Variants in SH3BP2 observed in about 807,000 individuals in gnomAD.
SH3BP2 encodes the protein SH3 domain-binding protein 2.
Under a neutral mutation model 56.2 loss-of-function variants are expected in SH3BP2, and 38 were observed. The ratio of observed to expected loss-of-function variants is 0.68; its 90% CI spans 0.52 to 0.89. SH3BP2 has a LOEUF of 0.89. Ranked by LOEUF, SH3BP2 falls within the 40% of genes least tolerant of loss-of-function variation. SH3BP2 has a pLI of 0.00. For missense variants in SH3BP2, 748 were observed against 762.6 expected (o/e 0.98, Z 0.23); for synonymous variants, 346 against 316.7 (o/e 1.09, Z -0.98).
In SH3BP2 at chr4:2,831,781, G is replaced by A; in HGVS notation, c.1350+102G>A. 5 of 1,345,870 alleles carry A rather than the reference G, an allele frequency of 3.7e-6. No individual in the cohort carries two copies. Among genetic ancestry groups the A allele is most frequent in the Admixed American group, 2.0e-5 (1 of 51,234 alleles). The allele number at this position is 1,345,870 out of a possible 1,614,324, so 83.4% of individuals were successfully genotyped here. ...CCCCTCACAGACCGTCCTGAGCAAG[G>A]ACCCCCCGAGAACCCGGGAGCCTAG... On this transcript the variant is annotated intron_variant, in intron 9 of 12. Coordinates refer to ENST00000503393, the MANE Select transcript of SH3BP2 (RefSeq NM_001122681.2). This position sits in a 1 kb window ranked among gnomAD's most constrained non-coding sequence, Gnocchi z 4.1.
intron 1 of SH3BP2, chr4:2,818,838 C>T (rs916939472): frequency 1.0e-6 from 1 of 986,124 alleles, no homozygotes; most frequent in African/African-American, 1.7e-5. Flanking sequence ...AGGCCGAGGC[C>T]GGCAGAAGAC....
chr4:2,809,718 C>G (rs1449215363), intron 1 of SH3BP2: 1 of 896,868 alleles, frequency 1.1e-6, no homozygotes, highest in Non-Finnish European at 1.3e-6. Flanking sequence ...GTTTGCCTTA[C>G]TCCTGAGCGG....
intron 1 of SH3BP2, chr4:2,796,317 G>T (rs1205229175): frequency 9.9e-6 from 7 of 707,612 alleles, no homozygotes; most frequent in South Asian, 6.3e-5. Context: ...TCGAGGTGGT[G>T]CAGGCTCCCA....
At chr4:2,824,525 T>C in intron 3 of SH3BP2, 88 bp from the exon 4 acceptor site, 1 of 961,610 alleles carries the variant, frequency 1.0e-6, no homozygotes, top group Non-Finnish European at 1.7e-6. Flanking sequence ...GTGGTGCTGG[T>C]GCCGAGACGT....
chr4:2,802,769 A>G (rs1388944009), intron 1 of SH3BP2, among the ~76,000 whole-genome samples: 1 of 151,194 alleles, frequency 6.6e-6, no homozygotes, highest in Non-Finnish European at 1.5e-5. Context: ...TTAAGGCAGC[A>G]GAAAGACCTA....
At position 2,829,066 on chromosome 4, in the gene SH3BP2, C is replaced by T. The variant is rs1231864396; in HGVS notation, c.587-427C>T. 6.6e-6 allele frequency among the ~76,000 whole-genome samples: 1 copy of T among 152,202 alleles called. No individual in the cohort carries two copies. The highest frequency in any genetic ancestry group is 2.4e-5 in the African/African-American group (1 of 41,452). ...CCCCGCATCCCCTGGCATCTCCCAG[C>T]TTTCTGGATATGTTCTGAGCAAACA... On this transcript the variant is annotated intron_variant, in intron 7 of 12. Coordinates refer to ENST00000503393, the MANE Select transcript of SH3BP2 (RefSeq NM_001122681.2). The surrounding 1 kb of genome is among the most constrained non-coding windows in gnomAD (Gnocchi z 4.9).
At chr4:2,827,037 G>A (rs536659781) in intron 5 of SH3BP2, 193 bp from the exon 6 acceptor site, 4 of 690,146 alleles carry the variant, frequency 5.8e-6, no homozygotes, top group Admixed American at 2.0e-5. Context: ...GTGTGTGTCT[G>A]TCAGCGTATC....
chr4:2,812,673 C>CT (rs1723804541), intron 1 of SH3BP2, among the ~76,000 whole-genome samples: 1 of 152,180 alleles, frequency 6.6e-6, no homozygotes, highest in African/African-American at 2.4e-5. Context: ...GAGAGGCCCC[C>CT]GAGCTGGCAG....
rs189100310 is a variant in SH3BP2 at position 2,828,745 on chromosome 4, C to G, written c.587-748C>G. 1.3e-5 allele frequency among the ~76,000 whole-genome samples: 2 copies of G among 152,210 alleles called. 1 individual carries two copies. The highest frequency in any genetic ancestry group is 4.1e-4 in the South Asian group (2 of 4,830). The stretch of plus-strand genomic sequence containing the variant: ...CCCTCTGTACCCCCTTCATCCTCTC[C>G]CCGAGACATTTCTCGTCCAGGACGC... On this transcript the variant is annotated intron_variant, in intron 7 of 12. Transcript: ENST00000503393.
chr4:2,815,328 C>T (rs1006979453), intron 1 of SH3BP2, among the ~76,000 whole-genome samples: 2 of 152,202 alleles, frequency 1.3e-5, no homozygotes, highest in African/African-American at 2.4e-5. Context: ...TGGGTGTCAG[C>T]GTCTGTCCCT....
chr4:2,832,651 C>T (rs896342956), intron 11 of SH3BP2, among the ~76,000 whole-genome samples: 2 of 152,216 alleles, frequency 1.3e-5, no homozygotes, highest in East Asian at 3.8e-4. Flanking sequence ...TGGGGTAGGG[C>T]TCATGCTCTG....
intron 11 of SH3BP2, 63 bp from the exon 12 acceptor site, chr4:2,832,927 G>T: frequency 6.5e-7 from 1 of 1,534,436 alleles, no homozygotes. Context: ...CCAGCCCATG[G>T]TCTCCCGAGG....
chr4:2,823,940 T>C (rs913733295), intron 3 of SH3BP2, among the ~76,000 whole-genome samples: 1 of 152,210 alleles, frequency 6.6e-6, no homozygotes, highest in Non-Finnish European at 1.5e-5. Context: ...GTCGTTCCCT[T>C]TCTGCAGACA....
chr4:2,829,608 A>C lies in SH3BP2; in HGVS notation c.702A>C (p.Leu234=), dbSNP rs1197887204. 3.7e-6 allele frequency: 6 copies of C among 1,610,076 alleles called. No individual in the cohort carries two copies. Among genetic ancestry groups the C allele is most frequent in the Non-Finnish European group, 3.4e-6 (4 of 1,178,760 alleles). ...HSFTSKGPGP[L]LPPPPPKHGL... ...TTACCTCCAAGGGCCCCGGTCCCCT[A>C]CTGCCACCCCCGCCCCCTAAGCACG... The change falls in exon 8 of 13, where the codon CTA becomes CTC. Residue 234 remains leucine, a synonymous_variant. Coordinates refer to ENST00000503393, the MANE Select transcript of SH3BP2 (RefSeq NM_001122681.2). The surrounding 1 kb of genome is among the most constrained non-coding windows in gnomAD (Gnocchi z 4.9).
chr4:2,829,442 G>T lies in SH3BP2; in HGVS notation c.587-51G>T. The stretch of plus-strand genomic sequence containing the variant: ...GGCTGACCACTGCCAGCAGAGGATA[G>T]TGTTGGCCCAGTCTCTGTCAGGGTC... On this transcript the variant is annotated intron_variant, in intron 7 of 12. Transcript: ENST00000503393. This position sits in a 1 kb window ranked among gnomAD's most constrained non-coding sequence, Gnocchi z 4.9. 6.3e-7 allele frequency: 1 copy of T among 1,594,106 alleles called. No homozygotes were observed. The highest frequency in any genetic ancestry group is 1.7e-4 in the Middle Eastern group (1 of 5,976).
rs1170903175 is a variant in SH3BP2, at chr4:2,829,382, G to A, written c.587-111G>A. The A allele has an allele frequency of 8.8e-6, 10 of 1,130,514 alleles. No individual in the cohort carries two copies. The highest frequency in any genetic ancestry group is 1.3e-5 in the Non-Finnish European group (10 of 747,662). 70.0% of individuals were successfully genotyped at this position (1,130,514 alleles called of 1,614,324 possible). On this transcript the variant is annotated intron_variant, in intron 7 of 12. Coordinates refer to ENST00000503393, the MANE Select transcript of SH3BP2 (RefSeq NM_001122681.2). This position sits in a 1 kb window ranked among gnomAD's most constrained non-coding sequence, Gnocchi z 4.9. ...GGCTGCTGGGTGGGCAGGCTGTGGG[G>A]TGGGCCTACCATGGGTTGCACTCCT...
At chr4:2,808,781 C>T (rs1485162520) in intron 1 of SH3BP2, among the ~76,000 whole-genome samples, 1 of 145,084 alleles carries the variant, frequency 6.9e-6, no homozygotes, top group East Asian at 2.1e-4. Context: ...CACCCACCCT[C>T]CTAGGGCTCA....
In SH3BP2 at chr4:2,838,405, C is replaced by G. The variant is rs1199876992; in HGVS notation, c.*4571C>G. On this transcript the variant is annotated 3_prime_UTR_variant, in exon 13 of 13. Coordinates refer to ENST00000503393, the MANE Select transcript of SH3BP2 (RefSeq NM_001122681.2). ...TGAATCATACAGATGCAAATTCTGGCAGCTGGCTTCTTTGGCTCGTTATTA... is the reference window on the plus strand; with the variant it reads ...TGAATCATACAGATGCAAATTCTGGGAGCTGGCTTCTTTGGCTCGTTATTA... The G allele has an allele frequency of 6.6e-6, 1 of 152,246 alleles. No homozygotes were observed. The highest frequency in any genetic ancestry group is 1.5e-5 in the Non-Finnish European group (1 of 68,052). The allele number at this position is 152,246 out of a possible 1,614,324, so 9.4% of individuals were successfully genotyped here.
At position 2,840,058 on chromosome 4, in the gene SH3BP2, C is replaced by T. The variant is rs572623174; in HGVS notation, c.*6224C>T. The T allele has an allele frequency of 6.6e-6, 1 of 151,876 alleles. No individual in the cohort carries two copies. The highest frequency in any genetic ancestry group is 2.1e-4 in the South Asian group (1 of 4,798). 9.4% of individuals were successfully genotyped at this position (151,876 alleles called of 1,614,324 possible). A position where few individuals can be genotyped will look rare whatever the true frequency, so the allele number is the denominator to read the frequency against. ...TGGACAACATGGCGAAACACCATCT[C>T]TACAAAAAATACAAAAATTAGCTGG... On this transcript the variant is annotated 3_prime_UTR_variant, in exon 13 of 13. Coordinates refer to ENST00000503393, the MANE Select transcript of SH3BP2 (RefSeq NM_001122681.2).
Sources: allele counts gnomAD v4.1 joint callset (sites outside exome capture counted in the v4.1 genomes callset), GRCh38; gene constraint gnomAD v4.1.1; non-coding constraint Gnocchi (gnomAD v3.1); transcripts MANE v1.5; gene names NCBI Gene and HGNC (gene_info 2026-07-23, HGNC 2026-07-21).